DNAJC16: variants seen among roughly 807,000 people sequenced by gnomAD.
The protein encoded by DNAJC16 is DnaJ heat shock protein family (Hsp40) member C16.
DNAJC16 carries 76 observed loss-of-function variants against 92.7 expected under a neutral mutation model. The ratio of observed to expected loss-of-function variants is 0.82; its 90% CI spans 0.68 to 0.99. DNAJC16 has a LOEUF of 0.99. DNAJC16 is among the 50% of genes least tolerant of loss of function. The pLI is 0.00. For missense variants in DNAJC16, 869 were observed against 942.4 expected, an observed-to-expected ratio of 0.92 and a Z score of 1.02; for synonymous variants, 328 against 358.7, an observed-to-expected ratio of 0.91 and a Z score of 0.97.
At chr1:15,548,200 G>A (rs890713199) in intron 6 of DNAJC16, 70 bp from the exon 7 acceptor site, 2 of 1,515,028 alleles carry the variant, frequency 1.3e-6, no homozygotes, top group African/African-American at 2.7e-5. Context: ...ATGTGAAAAA[G>A]CCCTACTTGA....
At chr1:15,548,638 G>C (rs1258720883) in intron 7 of DNAJC16, among the ~76,000 whole-genome samples, 1 of 151,948 alleles carries the variant, frequency 6.6e-6, no homozygotes. Context: ...CCTTTAAAGG[G>C]CTCCTGTTGG....
In DNAJC16 at chr1:15,545,457, G is replaced by A. The variant is rs531647495; in HGVS notation, c.759+874G>A. Among the ~76,000 whole-genome samples, 11 of 152,280 alleles carry A rather than the reference G, an allele frequency of 7.2e-5. No homozygotes were observed. The South Asian group carries it at 8.3e-4, about 11-fold the overall frequency. Reference sequence around the variant, plus strand: ...CATTTACATAAAATATCTCTTCTGTGCCCGGCATAGATTAACATAGCCGTT... The same window carrying A: ...CATTTACATAAAATATCTCTTCTGTACCCGGCATAGATTAACATAGCCGTT... On this transcript the variant is annotated intron_variant, in intron 5 of 14. Transcript: ENST00000375847.
intron 11 of DNAJC16, chr1:15,565,170 C>T (rs1424886990): frequency 2.6e-5 from 4 of 152,414 alleles, no homozygotes; most frequent in African/African-American, 9.7e-5. Flanking sequence ...CTGACCCTTT[C>T]CCACTGGCTA....
Position 15,534,431 on chromosome 1 carries a change from TAGAG to T in DNAJC16, c.234+132_234+135del, listed in dbSNP as rs375236613. 3.4e-4 allele frequency: 324 copies of T among 951,286 alleles called. 1 individual carries two copies. Among genetic ancestry groups the T allele is most frequent in the African/African-American group, 3.0e-3 (180 of 59,660 alleles). The allele number at this position is 951,286 out of a possible 1,614,324, so 58.9% of individuals were successfully genotyped here. ...CCTTGATGCAGTTTCTAGATTATAA[TAGAG>T]AGAACAGGCTGGATGCGGTGGCTCA... is the stretch of plus-strand genomic sequence containing the variant. On this transcript the variant is annotated intron_variant, in intron 3 of 14. Coordinates refer to ENST00000375847, the MANE Select transcript of DNAJC16 (RefSeq NM_015291.4).
At chr1:15,548,216 C>A in intron 6 of DNAJC16, 54 bp from the exon 7 acceptor site, 1 of 1,580,704 alleles carries the variant, frequency 6.3e-7, no homozygotes, top group South Asian at 1.1e-5. Flanking sequence ...CTTGATTTGT[C>A]ATTTACATCT....
chr1:15,529,370 A>G (rs1352303967), intron 2 of DNAJC16, 98 bp downstream of exon 2: 3 of 1,215,500 alleles, frequency 2.5e-6, no homozygotes, highest in Middle Eastern at 2.1e-4. Context: ...CTCTGTTTCT[A>G]TGTTCAATAT....
rs367686300 is a variant in DNAJC16 at position 15,544,396 on chromosome 1, C to T, written c.575-3C>T. 1.9e-6 allele frequency: 3 copies of T among 1,603,982 alleles called. No individual in the cohort carries two copies. Among genetic ancestry groups the T allele is most frequent in the African/African-American group, 2.7e-5 (2 of 74,588 alleles). The stretch of plus-strand genomic sequence containing the variant: ...CTTCATTTGGATCTTCCATTCTTTT[C>T]AGGTGTAGGAATTGGCGTGGTCCAT... On this transcript the variant is annotated splice_polypyrimidine_tract_variant and splice_region_variant and intron_variant, in intron 4 of 14. Coordinates refer to ENST00000375847, the MANE Select transcript of DNAJC16 (RefSeq NM_015291.4).
In DNAJC16 at chr1:15,527,218, A is replaced by G. The variant is rs551430357; in HGVS notation, c.-19+260A>G. Among the ~76,000 whole-genome samples, 5 of 152,112 alleles carry G rather than the reference A, an allele frequency of 3.3e-5. No homozygotes were observed. The East Asian group carries it at 5.8e-4, about 18-fold the overall frequency. ...TGGGAGCTTCTTCCTGGTCCTGGAT[A>G]TGCTGCCCAGAGAGCTGGCAGCCTA... On this transcript the variant is annotated intron_variant, in intron 1 of 14. Coordinates refer to ENST00000375847, the MANE Select transcript of DNAJC16 (RefSeq NM_015291.4).
chr1:15,544,329 T>C, intron 4 of DNAJC16, 70 bp from the exon 5 acceptor site: 1 of 1,456,970 alleles, frequency 6.9e-7, no homozygotes, highest in Non-Finnish European at 9.2e-7. Context: ...CACCAAAAAA[T>C]TACTTAGCAC....
intron 2 of DNAJC16, among the ~76,000 whole-genome samples, chr1:15,533,613 G>A (rs537983543): frequency 3.0e-4 from 45 of 152,236 alleles, no homozygotes; most frequent in African/African-American, 1.1e-3. Flanking sequence ...GGGCAACAGA[G>A]TGAGACCCTG....
chr1:15,532,793 T>A (rs958282019), intron 2 of DNAJC16, among the ~76,000 whole-genome samples: 1 of 152,180 alleles, frequency 6.6e-6, no homozygotes, highest in African/African-American at 2.4e-5. Context: ...TGAGATTTTT[T>A]TCCCCCACTA....
chr1:15,546,886 A>G lies in DNAJC16; in HGVS notation c.864+15A>G, dbSNP rs2103414010. 1 of 1,455,222 alleles carries G rather than the reference A, an allele frequency of 6.9e-7. No homozygotes were observed. The highest frequency in any genetic ancestry group is 9.4e-7 in the Non-Finnish European group (1 of 1,069,134). 90.1% of individuals were successfully genotyped at this position (1,455,222 alleles called of 1,614,324 possible). On this transcript the variant is annotated intron_variant, in intron 6 of 14. Transcript: ENST00000375847. ...TGTTATACAAGGTACTTTCTATGCT[A>G]GGATAATGGTTTCTTTTTCTTTTCT...
intron 4 of DNAJC16, among the ~76,000 whole-genome samples, chr1:15,538,456 G>T (rs1710847204): frequency 6.6e-6 from 1 of 151,360 alleles, no homozygotes; most frequent in Non-Finnish European, 1.5e-5. Context: ...AGTGGCTCAT[G>T]CCTGTAACCC....
intron 7 of DNAJC16, among the ~76,000 whole-genome samples, chr1:15,549,566 G>A (rs974795113): frequency 1.3e-5 from 2 of 152,166 alleles, no homozygotes; most frequent in African/African-American, 4.8e-5. Flanking sequence ...TGTAATCCCA[G>A]CACTTTGGGA....
intron 3 of DNAJC16, 52 bp from the exon 4 acceptor site, chr1:15,536,423 G>C: frequency 6.9e-7 from 1 of 1,444,418 alleles, no homozygotes; most frequent in Non-Finnish European, 9.2e-7. Flanking sequence ...TTACAAAAAA[G>C]TCTTTTGGAT....
chr1:15,529,376 A>AAT lies in DNAJC16; in HGVS notation c.167+113_167+114dup, dbSNP rs199829624. ...TTTATTTGTCTCTGTTTCTATGTTCAATATATATATCTGTCTAAAATATTT... is the reference window on the plus strand; with the variant it reads ...TTTATTTGTCTCTGTTTCTATGTTCAATATATATATATCTGTCTAAAATATTT... On this transcript the variant is annotated intron_variant, in intron 2 of 14. Coordinates refer to ENST00000375847, the MANE Select transcript of DNAJC16 (RefSeq NM_015291.4). 817 of 1,174,882 alleles carry AAT rather than the reference A, an allele frequency of 7.0e-4. 7 individuals are homozygous for AAT. In the East Asian group the frequency reaches 0.018, roughly 26 times the overall value. The allele number at this position is 1,174,882 out of a possible 1,614,324, so 72.8% of individuals were successfully genotyped here.
intron 4 of DNAJC16, among the ~76,000 whole-genome samples, chr1:15,542,825 G>A (rs1298501998): frequency 6.6e-6 from 1 of 152,226 alleles, no homozygotes; most frequent in African/African-American, 2.4e-5. Context: ...GTTGGGCATA[G>A]TGGCACGTGC....
At chr1:15,539,797 G>T (rs983771310) in intron 4 of DNAJC16, among the ~76,000 whole-genome samples, 12 of 152,078 alleles carry the variant, frequency 7.9e-5, no homozygotes, top group African/African-American at 2.9e-4. Context: ...ATAGGCTGAG[G>T]TGCACAGATC....
At position 15,568,410 on chromosome 1, in the gene DNAJC16, C is replaced by T. The variant is rs1366222150; in HGVS notation, c.*233C>T. On this transcript the variant is annotated 3_prime_UTR_variant, in exon 15 of 15. Coordinates refer to ENST00000375847, the MANE Select transcript of DNAJC16 (RefSeq NM_015291.4). ...TTCCTCTGGGTGTTATTTTTCCCCA[C>T]TGAATGCCACACCATTGAAAATAGA... The T allele has an allele frequency of 1.8e-6, 1 of 547,274 alleles. No homozygotes were observed. Among genetic ancestry groups the T allele is most frequent in the Admixed American group, 3.4e-5 (1 of 29,270 alleles). The allele number at this position is 547,274 out of a possible 1,614,324, so 33.9% of individuals were successfully genotyped here. A position where few individuals can be genotyped will look rare whatever the true frequency, so the allele number is the denominator to read the frequency against.
Sources: allele counts gnomAD v4.1 joint callset (sites outside exome capture counted in the v4.1 genomes callset), GRCh38; gene constraint gnomAD v4.1.1; transcripts MANE v1.5; gene names NCBI Gene and HGNC (gene_info 2026-07-23, HGNC 2026-07-21).